Variants in HYDIN observed in about 807,000 individuals in gnomAD.
HYDIN encodes the protein HYDIN axonemal central pair apparatus protein.
HYDIN carries 132 observed loss-of-function variants against 403.9 expected under a neutral mutation model. The ratio of observed to expected loss-of-function variants is 0.33; its 90% confidence interval spans 0.28 to 0.38. HYDIN has a LOEUF of 0.38. HYDIN is among the 10% of genes least tolerant of loss of function. The probability of loss-of-function intolerance (pLI) is 1.00; values close to 1 mark genes in which losing one functional copy is unlikely to be tolerated. For missense variants in HYDIN, 2,827 were observed against 5,009.5 expected (o/e 0.56, Z 13.15); for synonymous variants, 1,202 against 1,891.7 (o/e 0.64, Z 9.46).
chr16:70,862,058 G>A lies in HYDIN; in HGVS notation c.11767C>T (p.Leu3923Phe). 6.3e-7 allele frequency: 1 copy of A among 1,586,224 alleles called. No individual in the cohort carries two copies. Among genetic ancestry groups the A allele is most frequent in the Non-Finnish European group, 8.6e-7 (1 of 1,166,116 alleles). ...AGCACATTTTCTTACTGGCAGAAAA[G>A]GTTGCTCTCGAAGTCTCCAATGTCC... ...PLDIGDFESN[L>F]FCQIPNLPPG... Residue 3923 changes from leucine (L) to phenylalanine (F), a missense_variant, in exon 69 of 86, where the codon CTT (leucine) becomes TTT (phenylalanine). Leu to Phe is a conservative substitution (Grantham distance 22). Transcript: ENST00000393567.
chr16:71,007,150 A>G (rs200945170), intron 23 of HYDIN, among the ~76,000 whole-genome samples: 1,615 of 151,826 alleles, frequency 0.011, 29 homozygotes, highest in African/African-American at 0.037. Context: ...TAAAATCACA[A>G]TAATAACAGT....
At chr16:71,176,446 C>T (rs958847295) in intron 4 of HYDIN, among the ~76,000 whole-genome samples, 3 of 152,200 alleles carry the variant, frequency 2.0e-5, no homozygotes, top group African/African-American at 7.2e-5. Context: ...TCCTGCACCC[C>T]TTCAATGGCC....
intron 12 of HYDIN, among the ~76,000 whole-genome samples, chr16:71,084,614 C>T (rs2144353452): frequency 6.8e-6 from 1 of 146,294 alleles, no homozygotes; most frequent in East Asian, 2.1e-4. Flanking sequence ...GTCTCGAACT[C>T]CTGGCCTCAG....
chr16:70,913,889 G>A (rs113358951), intron 47 of HYDIN, among the ~76,000 whole-genome samples: 3 of 120,322 alleles, frequency 2.5e-5, no homozygotes, highest in African/African-American at 8.4e-5. Context: ...GTCCCTCTTT[G>A]TCTTTTTAAA....
intron 18 of HYDIN, among the ~76,000 whole-genome samples, chr16:71,056,285 T>C (rs2081889916): frequency 6.6e-6 from 1 of 152,094 alleles, no homozygotes; most frequent in Non-Finnish European, 1.5e-5. Context: ...CACAGAACAT[T>C]CTTCCTTGTA....
intron 1 of HYDIN, among the ~76,000 whole-genome samples, chr16:71,187,629 TA>T (rs2087222523): frequency 6.6e-6 from 1 of 151,910 alleles, no homozygotes; most frequent in Admixed American, 6.6e-5. Flanking sequence ...AATATCAAAT[TA>T]AAAACCCTAA....
At chr16:70,847,401 G>A (rs1384631797) in intron 75 of HYDIN, among the ~76,000 whole-genome samples, 5 of 152,256 alleles carry the variant, frequency 3.3e-5, no homozygotes, top group African/African-American at 1.2e-4. Context: ...ATTTCTTCAT[G>A]TGGATTTGAG....
At chr16:71,176,714 C>G (rs2086684206) in intron 4 of HYDIN, among the ~76,000 whole-genome samples, 1 of 152,200 alleles carries the variant, frequency 6.6e-6, no homozygotes, top group Admixed American at 6.5e-5. Flanking sequence ...CTTTTAAAGT[C>G]TTATTCTTCT....
intron 1 of HYDIN, among the ~76,000 whole-genome samples, chr16:71,223,328 A>C (rs568126423): frequency 5.3e-5 from 8 of 152,324 alleles, no homozygotes; most frequent in Admixed American, 3.3e-4. Flanking sequence ...TTAACTCCCA[A>C]TGGATCAAAG....
At chr16:71,184,615 G>A (rs145148132) in intron 3 of HYDIN, among the ~76,000 whole-genome samples, 90 of 152,236 alleles carry the variant, frequency 5.9e-4, no homozygotes, top group African/African-American at 1.6e-3. Flanking sequence ...AAACTATAGC[G>A]TCAAATAGTA....
intron 28 of HYDIN, among the ~76,000 whole-genome samples, chr16:70,983,622 T>C (rs2079102906): frequency 8.2e-6 from 1 of 121,798 alleles, no homozygotes; most frequent in South Asian, 2.8e-4. Flanking sequence ...CCAGGTAACA[T>C]TATTTTCAAA....
chr16:71,197,085 G>GT (rs1026427042), intron 1 of HYDIN, among the ~76,000 whole-genome samples: 1 of 152,018 alleles, frequency 6.6e-6, no homozygotes, highest in African/African-American at 2.4e-5. Flanking sequence ...CTCTCTTGGG[G>GT]TCTGGATTGG....
intron 7 of HYDIN, among the ~76,000 whole-genome samples, chr16:71,149,335 A>T (rs1347778386): frequency 2.0e-5 from 3 of 149,250 alleles, no homozygotes; most frequent in African/African-American, 7.4e-5. Context: ...GAATATAAAT[A>T]AAATGGTTCA....
At chr16:71,199,818 T>C (rs1198659920) in intron 1 of HYDIN, among the ~76,000 whole-genome samples, 1 of 152,110 alleles carries the variant, frequency 6.6e-6, no homozygotes, top group Non-Finnish European at 1.5e-5. Context: ...AAATGGCAAA[T>C]TGTATGAAGC....
chr16:71,224,630 C>T (rs1242341357), intron 1 of HYDIN, among the ~76,000 whole-genome samples: 8 of 139,842 alleles, frequency 5.7e-5, no homozygotes, highest in South Asian at 2.3e-4. Flanking sequence ...GGCGGGATCT[C>T]GGCTCACTGC....
chr16:71,005,147 A>AT (rs540539535), intron 23 of HYDIN, among the ~76,000 whole-genome samples: 4 of 152,196 alleles, frequency 2.6e-5, no homozygotes, highest in East Asian at 3.9e-4. Flanking sequence ...GGACCAGAAG[A>AT]TTTTTTTTAG....
chr16:71,218,192 T>C (rs561476952), intron 1 of HYDIN, among the ~76,000 whole-genome samples: 3 of 152,340 alleles, frequency 2.0e-5, no homozygotes, highest in Admixed American at 6.5e-5. Flanking sequence ...CACCCAGTGG[T>C]TGTTAGCGAC....
At chr16:71,186,640 C>T (rs753622005) in intron 2 of HYDIN, 121 bp downstream of exon 2, 13 of 790,376 alleles carry the variant, frequency 1.6e-5, no homozygotes, top group African/African-American at 5.2e-5. Flanking sequence ...ACCATTATAA[C>T]TAAATTGATA....
intron 41 of HYDIN, among the ~76,000 whole-genome samples, chr16:70,947,487 T>A (rs1019058477): frequency 2.0e-5 from 3 of 151,662 alleles, no homozygotes; most frequent in Non-Finnish European, 4.4e-5. Flanking sequence ...TCAAGGATAT[T>A]GGTCTAAAAT....
Sources: allele counts gnomAD v4.1 joint callset (sites outside exome capture counted in the v4.1 genomes callset), GRCh38; gene constraint gnomAD v4.1.1; transcripts MANE v1.5; gene names NCBI Gene and HGNC (gene_info 2026-07-23, HGNC 2026-07-21).